GPM6A: variants seen among roughly 807,000 people sequenced by gnomAD.
GPM6A encodes glycoprotein M6A.
In GPM6A, 7 loss-of-function variants were observed where a neutral mutation model predicts 32.1. That is an observed-to-expected ratio of 0.22 (90% CI 0.12 to 0.41). The LOEUF is 0.41. Among genes scored for constraint, GPM6A ranks in the 10% least tolerant of loss-of-function variants. The probability of loss-of-function intolerance (pLI) is 1.00; values close to 1 mark genes in which losing one functional copy is unlikely to be tolerated. For missense variants in GPM6A, 235 were observed against 347.2 expected, an observed-to-expected ratio of 0.68 and a Z score of 2.57; for synonymous variants, 130 against 123.4, an observed-to-expected ratio of 1.05 and a Z score of -0.35.
chr4:175,759,715 C>T (rs553744661), intron 1 of GPM6A, among the ~76,000 whole-genome samples: 9 of 152,042 alleles, frequency 5.9e-5, no homozygotes. Flanking sequence ...TTATACCATC[C>T]CATAGCTTTT....
At chr4:175,656,495 T>A (rs1034818386) in intron 3 of GPM6A, among the ~76,000 whole-genome samples, 2 of 152,130 alleles carry the variant, frequency 1.3e-5, no homozygotes, top group Admixed American at 1.3e-4. Context: ...TAAAACCACA[T>A]GTAATTATTG....
At chr4:175,815,865 G>A (rs1021509368), upstream of GPM6A, among the ~76,000 whole-genome samples, 3 of 151,982 alleles carry the variant, frequency 2.0e-5, no homozygotes, top group African/African-American at 7.3e-5. Flanking sequence ...TTACAGGCAT[G>A]TGTCACCATG....
chr4:175,805,290 A>C (rs73871218), intron 1 of GPM6A, among the ~76,000 whole-genome samples: 1 of 152,344 alleles, frequency 6.6e-6, no homozygotes, highest in African/African-American at 2.4e-5. Context: ...TTGTTAAGAA[A>C]GAATAGGTAA....
intron 1 of GPM6A, among the ~76,000 whole-genome samples, chr4:175,731,966 A>AT (rs35116129): frequency 0.39 from 47,821 of 123,552 alleles, 10,270 homozygotes; most frequent in East Asian, 0.61. Flanking sequence ...TCCTCACTTC[A>AT]TTTTTTTTTT....
chr4:175,693,766 A>T (rs1159966493), intron 2 of GPM6A, among the ~76,000 whole-genome samples: 1 of 152,148 alleles, frequency 6.6e-6, no homozygotes, highest in African/African-American at 2.4e-5. Flanking sequence ...ATGTTTCCCT[A>T]AAGTTGCTAT....
intron 1 of GPM6A, among the ~76,000 whole-genome samples, chr4:175,880,690 T>A (rs1737244291): frequency 6.6e-6 from 1 of 152,170 alleles, no homozygotes; most frequent in Non-Finnish European, 1.5e-5. Flanking sequence ...TCTCTGTTTG[T>A]CTGTTATTGG....
intron 1 of GPM6A, among the ~76,000 whole-genome samples, chr4:175,859,364 A>T (rs1736506742): frequency 6.6e-6 from 1 of 152,190 alleles, no homozygotes; most frequent in African/African-American, 2.4e-5. Flanking sequence ...TCTGGGAATC[A>T]ATGGCGTGTC....
upstream of GPM6A, among the ~76,000 whole-genome samples, chr4:175,815,394 C>T (rs1038476523): frequency 6.6e-6 from 1 of 152,106 alleles, no homozygotes; most frequent in Admixed American, 6.5e-5. Context: ...TTTTGAACCT[C>T]CAGTATCTTA....
At chr4:175,662,541 A>C (rs1416731163) in intron 3 of GPM6A, among the ~76,000 whole-genome samples, 2 of 152,140 alleles carry the variant, frequency 1.3e-5, no homozygotes, top group Non-Finnish European at 2.9e-5. Context: ...CGGAGATTGC[A>C]GTGAGCCGAG....
chr4:175,666,662 G>A (rs1441416405), intron 3 of GPM6A, among the ~76,000 whole-genome samples: 1 of 152,110 alleles, frequency 6.6e-6, no homozygotes, highest in East Asian at 1.9e-4. Context: ...ACTATTACAT[G>A]TTTGAAACTA....
At chr4:175,710,765 C>T (rs1278750152) in intron 1 of GPM6A, among the ~76,000 whole-genome samples, 2 of 152,186 alleles carry the variant, frequency 1.3e-5, no homozygotes, top group African/African-American at 4.8e-5. Context: ...CTGCCTTACA[C>T]ACAACTTTTG....
chr4:175,838,270 C>G (rs186382062), intron 1 of GPM6A, among the ~76,000 whole-genome samples: 271 of 151,188 alleles, frequency 1.8e-3, no homozygotes, highest in African/African-American at 6.2e-3. Context: ...GAGATTTTCT[C>G]TTACCCTCAT....
chr4:175,683,115 A>C (rs1243868636), intron 2 of GPM6A, among the ~76,000 whole-genome samples: 1 of 152,230 alleles, frequency 6.6e-6, no homozygotes, highest in East Asian at 1.9e-4. Context: ...AGAGATGCTG[A>C]AGGCCTTGAG....
chr4:175,886,030 AT>A (rs1737443423), intron 1 of GPM6A, among the ~76,000 whole-genome samples: 1 of 152,176 alleles, frequency 6.6e-6, no homozygotes, highest in Admixed American at 6.5e-5. Context: ...GGAGGTCAGA[AT>A]AAAGAGATTC....
chr4:175,677,122 C>G (rs948243746), intron 2 of GPM6A, among the ~76,000 whole-genome samples: 3 of 151,938 alleles, frequency 2.0e-5, no homozygotes, highest in Non-Finnish European at 4.4e-5. Context: ...TTTCATAGCT[C>G]AAAAAACTGC....
chr4:175,971,172 A>G (rs928134403), intron 1 of GPM6A, among the ~76,000 whole-genome samples: 4 of 151,932 alleles, frequency 2.6e-5, no homozygotes, highest in Admixed American at 1.3e-4. Flanking sequence ...GAGCCCTAAT[A>G]TCTTAGTGGT....
intron 2 of GPM6A, among the ~76,000 whole-genome samples, chr4:175,697,162 C>T (rs1744626874): frequency 6.6e-6 from 1 of 152,114 alleles, no homozygotes; most frequent in Non-Finnish European, 1.5e-5. Context: ...TAAGACTGTT[C>T]CTTGCCCAGT....
chr4:175,914,042 G>C, intron 1 of GPM6A, among the ~76,000 whole-genome samples: 1 of 152,060 alleles, frequency 6.6e-6, no homozygotes, highest in East Asian at 1.9e-4. Context: ...AAGCCACAGA[G>C]ACACAAGTCA....
intron 1 of GPM6A, among the ~76,000 whole-genome samples, chr4:175,929,111 A>T (rs1249929318): frequency 6.6e-6 from 1 of 152,222 alleles, no homozygotes; most frequent in Non-Finnish European, 1.5e-5. Context: ...AGCTGTGATG[A>T]AGTAAAAGAA....
Sources: gnomAD v4.1 joint callset for allele counts (sites outside exome capture counted in the v4.1 genomes callset) on GRCh38, gnomAD v4.1.1 for gene constraint, MANE v1.5 for transcripts, NCBI Gene and HGNC (gene_info 2026-07-23, HGNC 2026-07-21) for gene names.